EFCAB8: variants seen among roughly 807,000 people sequenced by gnomAD.
EFCAB8 encodes the protein EF-hand calcium binding domain 8, also known as EF-hand calcium-binding domain-containing protein 8.
EFCAB8 carries 100 observed loss-of-function variants against 116.3 expected under a neutral mutation model. The ratio of observed to expected loss-of-function variants is 0.86; its 90% CI spans 0.73 to 1.02. The LOEUF is 1.02. Among genes scored for constraint, EFCAB8 ranks in the 50% least tolerant of loss-of-function variants. The pLI, the probability that EFCAB8 is intolerant of heterozygous loss-of-function variation, is 0.00. For missense variants in EFCAB8, 1,320 were observed against 1,416.9 expected (o/e 0.93, Z 1.10); for synonymous variants, 558 against 567.9 (o/e 0.98, Z 0.25).
chr20:32,869,196 A>G (rs540413980), intron 3 of EFCAB8, among the ~76,000 whole-genome samples: 56 of 152,196 alleles, frequency 3.7e-4, no homozygotes, highest in South Asian at 1.7e-3. Flanking sequence ...GCAAGGCTCA[A>G]GCCAACAACA....
chr20:32,910,862 C>T (rs1192849538), intron 15 of EFCAB8, among the ~76,000 whole-genome samples: 4 of 151,504 alleles, frequency 2.6e-5, no homozygotes, highest in Admixed American at 6.6e-5. Context: ...CTCAGCCTCC[C>T]GAGTAGCTGG....
At chr20:32,921,731 A>G (rs1987467712) in intron 20 of EFCAB8, among the ~76,000 whole-genome samples, 1 of 149,686 alleles carries the variant, frequency 6.7e-6, no homozygotes, top group Non-Finnish European at 1.5e-5. Context: ...ATATAAAATG[A>G]TAGCTATGTC....
At chr20:32,866,000 G>A (rs746213038) in intron 2 of EFCAB8, among the ~76,000 whole-genome samples, 2 of 152,094 alleles carry the variant, frequency 1.3e-5, no homozygotes, top group Non-Finnish European at 2.9e-5. Flanking sequence ...TGGAGGGACG[G>A]TAGAATGCAT....
At chr20:32,899,200 A>G (rs1986306848) in intron 11 of EFCAB8, among the ~76,000 whole-genome samples, 1 of 151,782 alleles carries the variant, frequency 6.6e-6, no homozygotes, top group African/African-American at 2.4e-5. Context: ...CCTGGCTAAC[A>G]TGGCGAAACC....
intron 23 of EFCAB8, among the ~76,000 whole-genome samples, chr20:32,952,402 A>G (rs1325629990): frequency 6.6e-6 from 1 of 152,190 alleles, no homozygotes; most frequent in Non-Finnish European, 1.5e-5. Flanking sequence ...TTTTTGGTCT[A>G]TAATCATTTT....
intron 16 of EFCAB8, 34 bp downstream of exon 16, chr20:32,911,741 G>C (rs1179539000): frequency 3.9e-6 from 6 of 1,545,180 alleles, no homozygotes; most frequent in Non-Finnish European, 5.3e-6. Flanking sequence ...GCCAGGGACG[G>C]CCTCTTGGGA....
At chr20:32,952,850 A>G (rs897254740) in intron 23 of EFCAB8, among the ~76,000 whole-genome samples, 3 of 152,222 alleles carry the variant, frequency 2.0e-5, no homozygotes, top group East Asian at 1.9e-4. Flanking sequence ...AAAACTTACC[A>G]TCTTAACCAT....
At position 32,892,199 on chromosome 20, in the gene EFCAB8, T is replaced by C. The variant is rs756779908; in HGVS notation, c.674-14T>C. 5.2e-6 allele frequency: 8 copies of C among 1,551,116 alleles called. No individual in the cohort carries two copies. In the Admixed American group the frequency reaches 1.6e-4, roughly 30 times the overall value. On this transcript the variant is annotated splice_polypyrimidine_tract_variant and intron_variant, in intron 7 of 26. Transcript: ENST00000400522. Reference sequence around the variant, plus strand: ...TGGCTGTGGGCTCTATGTGGCCTTCTGTCTTTCCCCCAGATTTCTTTGATA... The same window carrying C: ...TGGCTGTGGGCTCTATGTGGCCTTCCGTCTTTCCCCCAGATTTCTTTGATA...
chr20:32,892,880 T>A (rs1985985453), intron 8 of EFCAB8, among the ~76,000 whole-genome samples: 1 of 150,622 alleles, frequency 6.6e-6, no homozygotes, highest in Non-Finnish European at 1.5e-5. Context: ...TCACTCTGTG[T>A]CCCAGGCTGG....
intron 11 of EFCAB8, among the ~76,000 whole-genome samples, chr20:32,900,652 C>T (rs112335853): frequency 1.3e-5 from 2 of 152,204 alleles, no homozygotes; most frequent in Non-Finnish European, 2.9e-5. Flanking sequence ...CTGCAACCTC[C>T]GCCTCTCGGG....
chr20:32,897,085 G>C (rs1172555367), intron 10 of EFCAB8, among the ~76,000 whole-genome samples: 7 of 152,156 alleles, frequency 4.6e-5, no homozygotes, highest in African/African-American at 1.7e-4. Context: ...GCCTCGGCAT[G>C]TGCTGCGCCT....
intron 23 of EFCAB8, among the ~76,000 whole-genome samples, chr20:32,945,365 C>T (rs910978388): frequency 8.5e-5 from 13 of 152,080 alleles, no homozygotes; most frequent in African/African-American, 3.1e-4. Flanking sequence ...CCATGTTGCC[C>T]AGGCTGGCCT....
intron 22 of EFCAB8, among the ~76,000 whole-genome samples, chr20:32,940,021 C>CT (rs1568942494): frequency 2.1e-4 from 19 of 88,768 alleles, no homozygotes; most frequent in East Asian, 1.0e-3. Context: ...CCCTCCCTCC[C>CT]TCCCTTCCTT....
At chr20:32,896,770 G>T (rs1034373756) in intron 10 of EFCAB8, among the ~76,000 whole-genome samples, 1 of 152,146 alleles carries the variant, frequency 6.6e-6, no homozygotes, top group Non-Finnish European at 1.5e-5. Flanking sequence ...ACACCGCCTC[G>T]CTCCTGGATG....
intron 11 of EFCAB8, among the ~76,000 whole-genome samples, chr20:32,900,116 A>T (rs1022835943): frequency 2.6e-5 from 4 of 151,926 alleles, no homozygotes; most frequent in Non-Finnish European, 4.4e-5. Flanking sequence ...TATTGGGGAG[A>T]GACTGGGTGA....
Position 32,875,985 on chromosome 20 carries a change from G to A in EFCAB8, c.268G>A (p.Glu90Lys), listed in dbSNP as rs369443493. 4.8e-4 allele frequency: 749 copies of A among 1,552,174 alleles called. No individual in the cohort carries two copies. Among genetic ancestry groups the A allele is most frequent in the Non-Finnish European group, 5.9e-4 (681 of 1,147,114 alleles). ...MKKVLSSVSD[E>K]MLKELFLKVD... ...GAAGGTTCTGAGCAGTGTGTCGGAC[G>A]AGATGCTAAAGGAGCTGTTTTTGAA... The change falls in exon 4 of 27, where the codon GAG becomes AAG. Residue 90 changes from glutamate (E) to lysine (K), a missense_variant. By Grantham distance (56) the Glu-to-Lys change is moderately conservative (BLOSUM62 1). Transcript: ENST00000400522.
chr20:32,942,650 T>G (rs1988442793), intron 22 of EFCAB8, among the ~76,000 whole-genome samples: 1 of 152,208 alleles, frequency 6.6e-6, no homozygotes, highest in Admixed American at 6.5e-5. Context: ...TTACAATATA[T>G]TTTTTGGTGT....
chr20:32,888,045 C>G (rs965443204), intron 6 of EFCAB8, among the ~76,000 whole-genome samples: 4 of 151,720 alleles, frequency 2.6e-5, no homozygotes, highest in Non-Finnish European at 5.9e-5. Context: ...CATGGCTATC[C>G]TCTCTACATA....
intron 15 of EFCAB8, 22 bp downstream of exon 15, chr20:32,909,953 T>G: frequency 8.2e-7 from 1 of 1,223,930 alleles, no homozygotes; most frequent in Non-Finnish European, 1.0e-6. Context: ...AGGGCTCGCC[T>G]CTGAGGCTGG....
Sources: allele counts gnomAD v4.1 joint callset (sites outside exome capture counted in the v4.1 genomes callset), GRCh38; gene constraint gnomAD v4.1.1; transcripts MANE v1.5; gene names NCBI Gene and HGNC (gene_info 2026-07-23, HGNC 2026-07-21).